Variants in PRKAG2 observed in about 807,000 individuals in gnomAD.
PRKAG2 encodes the protein protein kinase AMP-activated non-catalytic subunit gamma 2.
PRKAG2 carries 26 observed loss-of-function variants against 69.6 expected under a neutral mutation model. The observed-to-expected ratio is 0.37, with a 90% confidence interval of 0.27 to 0.52. PRKAG2 has a LOEUF of 0.52. Ranked by LOEUF, PRKAG2 falls within the 20% of genes least tolerant of loss-of-function variation. The probability of loss-of-function intolerance (pLI) is 0.90; values close to 1 mark genes in which losing one functional copy is unlikely to be tolerated. For synonymous variants in PRKAG2, 293 were observed against 285.0 expected, an observed-to-expected ratio of 1.03 and a Z score of -0.28; for missense variants, 557 against 740.0, an observed-to-expected ratio of 0.75 and a Z score of 2.87.
intron 4 of PRKAG2, among the ~76,000 whole-genome samples, chr7:151,653,710 C>A (rs182304995): frequency 6.6e-6 from 1 of 152,064 alleles, no homozygotes; most frequent in African/African-American, 2.4e-5. Context: ...AGCATGGTGA[C>A]GGATGCCTGT....
At chr7:151,834,063 G>GAA (rs35435291) in intron 1 of PRKAG2, among the ~76,000 whole-genome samples, 24 of 150,454 alleles carry the variant, frequency 1.6e-4, no homozygotes, top group Non-Finnish European at 2.2e-4. Context: ...GTTTCTGGAG[G>GAA]AAAAAAAAAA....
rs540862984 is a variant in PRKAG2 at position 151,756,971 on chromosome 7, C to G, written c.466+24181G>C. 6.6e-6 allele frequency among the ~76,000 whole-genome samples: 1 copy of G among 152,184 alleles called. No individual in the cohort carries two copies. Among genetic ancestry groups the G allele is most frequent in the South Asian group, 2.1e-4 (1 of 4,828 alleles). On this transcript the variant is annotated intron_variant, in intron 3 of 15. Coordinates refer to ENST00000287878, the MANE Select transcript of PRKAG2 (RefSeq NM_016203.4). This position sits in a 1 kb window ranked among gnomAD's most constrained non-coding sequence, Gnocchi z 4.9. ...CGCTGCGATTCGGGGGAGTAACCAG[C>G]GGTGAGCTTCAGGCCTAAATGCTGG... is the stretch of plus-strand genomic sequence containing the variant.
rs549444758 is a variant in PRKAG2 at position 151,629,802 on chromosome 7, G to A, written c.754+2267C>T. On this transcript the variant is annotated intron_variant, in intron 5 of 15. Transcript: ENST00000287878. ...ATACATGAAGACGTTAACAGGGTATGCTGGATGCTGAAAGATGAAATGAGG... is the reference window on the plus strand; with the variant it reads ...ATACATGAAGACGTTAACAGGGTATACTGGATGCTGAAAGATGAAATGAGG... 2.8e-4 allele frequency among the ~76,000 whole-genome samples: 43 copies of A among 152,326 alleles called. No individual in the cohort carries two copies. In the South Asian group the frequency reaches 6.0e-3, roughly 21 times the overall value.
At chr7:151,641,970 G>C (rs1160482309) in intron 4 of PRKAG2, among the ~76,000 whole-genome samples, 3 of 147,706 alleles carry the variant, frequency 2.0e-5, no homozygotes, top group African/African-American at 7.5e-5. Context: ...GAGGTGGGAG[G>C]ATCACTTGAG....
At chr7:151,838,415 A>G (rs1382691458) in intron 1 of PRKAG2, among the ~76,000 whole-genome samples, 5 of 151,970 alleles carry the variant, frequency 3.3e-5, no homozygotes, top group African/African-American at 1.2e-4. Context: ...AAGACCACCA[A>G]GACAAGGGGC....
At chr7:151,813,337 C>A (rs1219733058) in intron 1 of PRKAG2, among the ~76,000 whole-genome samples, 1 of 152,114 alleles carries the variant, frequency 6.6e-6, no homozygotes, top group Admixed American at 6.5e-5. Flanking sequence ...TTGCTCTCCA[C>A]CTGGGTTGAA....
At chr7:151,837,967 C>T (rs901009307) in intron 1 of PRKAG2, among the ~76,000 whole-genome samples, 5 of 152,152 alleles carry the variant, frequency 3.3e-5, no homozygotes, top group African/African-American at 1.2e-4. Context: ...CGCGCCTGGG[C>T]CTTGGAGACA....
At chr7:151,840,446 G>A (rs1253327584) in intron 1 of PRKAG2, among the ~76,000 whole-genome samples, 1 of 152,166 alleles carries the variant, frequency 6.6e-6, no homozygotes, top group Non-Finnish European at 1.5e-5. Flanking sequence ...TAGCTGGGTG[G>A]GGCAATCATA....
At chr7:151,834,299 A>G (rs967448593) in intron 1 of PRKAG2, among the ~76,000 whole-genome samples, 1 of 152,224 alleles carries the variant, frequency 6.6e-6, no homozygotes, top group Non-Finnish European at 1.5e-5. Flanking sequence ...CCTGAGCCAC[A>G]ATTTTTGGTA....
chr7:151,606,073 T>C (rs570031220), intron 5 of PRKAG2, among the ~76,000 whole-genome samples: 1 of 152,258 alleles, frequency 6.6e-6, no homozygotes, highest in Non-Finnish European at 1.5e-5. Flanking sequence ...TAATTAATTT[T>C]AAATAGAGAT....
chr7:151,685,588 G>C (rs998897564), intron 3 of PRKAG2, among the ~76,000 whole-genome samples: 1 of 152,070 alleles, frequency 6.6e-6, no homozygotes, highest in African/African-American at 2.4e-5. Flanking sequence ...GGGCAACATA[G>C]TGAGACCCCC....
rs1043740088 is a variant in PRKAG2, at chr7:151,814,981, C to T, written c.115-28440G>A. ...CAGAGGCCGATGATGCAGCAGTGGA[C>T]AGCTCTGGGCTCCAGGTCCTCTGGC... On this transcript the variant is annotated intron_variant, in intron 1 of 15. Transcript: ENST00000287878. This position sits in a 1 kb window ranked among gnomAD's most constrained non-coding sequence, Gnocchi z 4.8. 2 of 727,536 alleles carry T rather than the reference C, an allele frequency of 2.7e-6. No individual in the cohort carries two copies. Among genetic ancestry groups the T allele is most frequent in the Non-Finnish European group, 3.8e-6 (2 of 528,340 alleles). 45.1% of individuals were successfully genotyped at this position (727,536 alleles called of 1,614,324 possible). A position where few individuals can be genotyped will look rare whatever the true frequency, so the allele number is the denominator to read the frequency against.
At position 151,570,219 on chromosome 7, in the gene PRKAG2, TA is replaced by T; in HGVS notation, c.1057del (p.Tyr353IlefsTer9). On this transcript the variant is annotated frameshift_variant, in exon 10 of 16. Coordinates refer to ENST00000287878, the MANE Select transcript of PRKAG2 (RefSeq NM_016203.4). LOFTEE classifies it high-confidence loss of function. ...TAAAGGCTTAAATGTTTCTTGTAAA[TA>T]AAGCTCTGTATTTATAGAAAGAAAA... is the stretch of plus-strand genomic sequence containing the variant. ...EHKIETWREL[Y>X]LQETFKPLVN... 6.2e-7 allele frequency: 1 copy of T among 1,602,710 alleles called. No homozygotes were observed. Among genetic ancestry groups the T allele is most frequent in the Non-Finnish European group, 8.5e-7 (1 of 1,172,262 alleles).
At chr7:151,783,412 C>T (rs1336897994) in intron 2 of PRKAG2, among the ~76,000 whole-genome samples, 3 of 152,186 alleles carry the variant, frequency 2.0e-5, no homozygotes, top group Non-Finnish European at 4.4e-5. Flanking sequence ...GCAATCTCAG[C>T]TCATTGCAAC....
intron 4 of PRKAG2, among the ~76,000 whole-genome samples, chr7:151,642,999 T>G (rs76466777): frequency 6.6e-6 from 1 of 152,212 alleles, no homozygotes; most frequent in South Asian, 2.1e-4. Context: ...ATAGAAGATA[T>G]GAAGAAGGAG....
intron 3 of PRKAG2, among the ~76,000 whole-genome samples, chr7:151,702,675 A>G (rs1283743652): frequency 1.3e-5 from 2 of 152,244 alleles, no homozygotes; most frequent in African/African-American, 4.8e-5. Flanking sequence ...ATCCCAAGTT[A>G]AAATACTCTC....
At chr7:151,695,284 C>T (rs1836417549) in intron 3 of PRKAG2, among the ~76,000 whole-genome samples, 1 of 152,202 alleles carries the variant, frequency 6.6e-6, no homozygotes, top group South Asian at 2.1e-4. Flanking sequence ...ACCATAAAAT[C>T]ACACCGCCTG....
At chr7:151,815,401 C>T (rs1054709809) in intron 1 of PRKAG2, among the ~76,000 whole-genome samples, 1 of 152,150 alleles carries the variant, frequency 6.6e-6, no homozygotes, top group Admixed American at 6.5e-5. Flanking sequence ...CCAACCCACA[C>T]AGACCCTTCC....
intron 3 of PRKAG2, among the ~76,000 whole-genome samples, chr7:151,709,865 T>C (rs1301469841): frequency 1.3e-5 from 2 of 151,784 alleles, no homozygotes; most frequent in African/African-American, 4.8e-5. Flanking sequence ...CAGTGACGAG[T>C]GACGTGAGAC....
Sources: allele counts gnomAD v4.1 joint callset (sites outside exome capture counted in the v4.1 genomes callset), GRCh38; gene constraint gnomAD v4.1.1; non-coding constraint Gnocchi (gnomAD v3.1); transcripts MANE v1.5; gene names NCBI Gene and HGNC (gene_info 2026-07-23, HGNC 2026-07-21).